The following MYO5B variants were observed in gnomAD, a reference collection of about 807,000 sequenced individuals.
The protein encoded by MYO5B is myosin VB.
In MYO5B, 143 loss-of-function variants were observed where a neutral mutation model predicts 229.3. The observed-to-expected ratio is 0.62, with a 90% CI of 0.54 to 0.72. The LOEUF (loss-of-function observed/expected upper bound fraction) is 0.72, where lower values mean the gene tolerates loss of function less well. Among genes scored for constraint, MYO5B ranks in the 30% least tolerant of loss-of-function variants. MYO5B has a pLI of 0.00. For synonymous variants in MYO5B, 918 were observed against 885.2 expected, an observed-to-expected ratio of 1.04 and a Z score of -0.66; for missense variants, 2,321 against 2,331.0, an observed-to-expected ratio of 1.00 and a Z score of 0.09.
chr18:49,861,995 G>GTT (rs978135894), intron 29 of MYO5B, among the ~76,000 whole-genome samples: 1,404 of 131,088 alleles, frequency 0.011, 23 homozygotes, highest in African/African-American at 0.034. Context: ...CCAGCTCCAT[G>GTT]TTTTTTTTTT....
At chr18:50,083,250 C>T (rs1164798618) in intron 1 of MYO5B, among the ~76,000 whole-genome samples, 1 of 152,212 alleles carries the variant, frequency 6.6e-6, no homozygotes, top group Non-Finnish European at 1.5e-5. Context: ...TGTTTACCAA[C>T]CTGGAAGCTT....
chr18:49,856,925 T>G, intron 29 of MYO5B, 35 bp from the exon 30 acceptor site: 1 of 1,564,802 alleles, frequency 6.4e-7, no homozygotes, highest in Non-Finnish European at 8.8e-7. Flanking sequence ...GGGTGTCCAG[T>G]GTAGACGGAA....
chr18:49,904,261 G>C (rs1598871351), intron 20 of MYO5B, among the ~76,000 whole-genome samples: 1 of 152,160 alleles, frequency 6.6e-6, no homozygotes, highest in Non-Finnish European at 1.5e-5. Context: ...GTTCTCATTA[G>C]AGCTGCTTGT....
intron 2 of MYO5B, among the ~76,000 whole-genome samples, chr18:50,043,285 TA>T (rs1300898593): frequency 9.3e-6 from 1 of 107,878 alleles, no homozygotes; most frequent in Non-Finnish European, 1.8e-5. Flanking sequence ...TATTTATATT[TA>T]TATATTATAT....
At chr18:50,016,091 T>C (rs2026212618) in intron 4 of MYO5B, among the ~76,000 whole-genome samples, 1 of 152,086 alleles carries the variant, frequency 6.6e-6, no homozygotes, top group African/African-American at 2.4e-5. Context: ...AGATGGGAGG[T>C]ATCAGACAGT....
Position 50,177,040 on chromosome 18 carries a change from C to T in MYO5B, c.27+17727G>A, listed in dbSNP as rs139473034. Among the ~76,000 whole-genome samples, 481 of 152,238 alleles carry T rather than the reference C, an allele frequency of 3.2e-3. 4 individuals are homozygous for T. Among genetic ancestry groups the T allele is most frequent in the African/African-American group, 0.011 (443 of 41,546 alleles). On this transcript the variant is annotated intron_variant, in intron 1 of 39. Transcript: ENST00000285039. ...TGTAAGGGAGATAATGAGCATTGAG[C>T]TTTGAAAAAATTTCACATGACACCA...
chr18:49,851,893 G>A (rs539647535), intron 31 of MYO5B, among the ~76,000 whole-genome samples: 3 of 152,330 alleles, frequency 2.0e-5, no homozygotes, highest in South Asian at 2.1e-4. Context: ...GGAACCTGCT[G>A]CAGCTGGCTC....
At chr18:49,880,638 G>A in intron 22 of MYO5B, 183 bp from the exon 23 acceptor site, 1 of 634,478 alleles carries the variant, frequency 1.6e-6, no homozygotes, top group Non-Finnish European at 2.8e-6. Flanking sequence ...ATTAAAACAA[G>A]ACAGATGAGC....
At chr18:50,139,886 C>T (rs1419905820) in intron 1 of MYO5B, among the ~76,000 whole-genome samples, 1 of 152,148 alleles carries the variant, frequency 6.6e-6, no homozygotes, top group Non-Finnish European at 1.5e-5. Flanking sequence ...AACAAATCTA[C>T]CATCAGTGTA....
At chr18:50,017,692 C>G (rs1203603474) in intron 4 of MYO5B, among the ~76,000 whole-genome samples, 1 of 152,038 alleles carries the variant, frequency 6.6e-6, no homozygotes, top group Non-Finnish European at 1.5e-5. Context: ...TGTGAATTTT[C>G]TTGAAGGACA....
intron 17 of MYO5B, 146 bp downstream of exon 17, chr18:49,929,366 A>G: frequency 3.0e-6 from 2 of 663,196 alleles, no homozygotes; most frequent in South Asian, 1.9e-5. Context: ...TCTCATTTCC[A>G]TCAGCATCCT....
chr18:49,985,384 A>C (rs534418923), intron 7 of MYO5B, among the ~76,000 whole-genome samples: 7 of 152,296 alleles, frequency 4.6e-5, no homozygotes, highest in African/African-American at 1.7e-4. Flanking sequence ...ATTCTTCTTC[A>C]GTCAGGCCTC....
At chr18:49,964,172 AG>A (rs1168198452) in intron 10 of MYO5B, among the ~76,000 whole-genome samples, 3 of 152,252 alleles carry the variant, frequency 2.0e-5, no homozygotes, top group African/African-American at 7.2e-5. Context: ...AAAAGGTAGA[AG>A]TAAATTAACT....
intron 34 of MYO5B, among the ~76,000 whole-genome samples, chr18:49,841,655 G>A (rs2024059212): frequency 6.6e-6 from 1 of 152,186 alleles, no homozygotes; most frequent in African/African-American, 2.4e-5. Flanking sequence ...CAGGGATGGT[G>A]CACAGAACCC....
At chr18:49,922,015 C>T (rs943513572) in intron 17 of MYO5B, among the ~76,000 whole-genome samples, 2 of 152,186 alleles carry the variant, frequency 1.3e-5, no homozygotes, top group Non-Finnish European at 2.9e-5. Context: ...TGAATCACTT[C>T]GCTGTGTTGA....
chr18:50,002,578 A>C (rs1377708633), intron 4 of MYO5B, among the ~76,000 whole-genome samples: 1 of 152,162 alleles, frequency 6.6e-6, no homozygotes, highest in Non-Finnish European at 1.5e-5. Flanking sequence ...TGGATGTTCA[A>C]AGCAGGGAGT....
At chr18:49,909,253 G>C (rs2024932583) in intron 18 of MYO5B, among the ~76,000 whole-genome samples, 1 of 152,202 alleles carries the variant, frequency 6.6e-6, no homozygotes, top group Non-Finnish European at 1.5e-5. Context: ...AAATAAAAAG[G>C]AGGAAATAGA....
At chr18:50,036,046 T>G (rs1174207397) in intron 4 of MYO5B, among the ~76,000 whole-genome samples, 5 of 152,192 alleles carry the variant, frequency 3.3e-5, no homozygotes, top group African/African-American at 1.2e-4. Flanking sequence ...CTCCTTTTAC[T>G]AAATTAATCT....
At chr18:50,061,051 A>C (rs2030673613) in intron 1 of MYO5B, among the ~76,000 whole-genome samples, 2 of 152,180 alleles carry the variant, frequency 1.3e-5, no homozygotes. Context: ...TTATTTCCCC[A>C]GAGCTAAAGA....
Sources: allele counts gnomAD v4.1 joint callset (sites outside exome capture counted in the v4.1 genomes callset), GRCh38; gene constraint gnomAD v4.1.1; transcripts MANE v1.5; gene names NCBI Gene and HGNC (gene_info 2026-07-23, HGNC 2026-07-21).